NEB: variants seen among roughly 807,000 people sequenced by gnomAD.
The protein encoded by NEB is nemaline myopathy type 2.
Under a neutral mutation model 952.2 loss-of-function variants are expected in NEB, and 512 were observed. The observed-to-expected ratio is 0.54, with a 90% CI of 0.50 to 0.58. The LOEUF is 0.58. Ranked by LOEUF, NEB falls within the 20% of genes least tolerant of loss-of-function variation. The probability of loss-of-function intolerance (pLI) is 0.00; values close to 1 mark genes in which losing one functional copy is unlikely to be tolerated. For synonymous variants in NEB, 2,900 were observed against 3,149.8 expected (o/e 0.92, Z 2.66); for missense variants, 8,428 against 9,231.1 (o/e 0.91, Z 3.56).
At position 151,696,256 on chromosome 2, in the gene NEB, T is replaced by C. The variant is rs185759242; in HGVS notation, c.1569+381A>G. Among the ~76,000 whole-genome samples, 5 of 152,302 alleles carry C rather than the reference T, an allele frequency of 3.3e-5. No individual in the cohort carries two copies. In the East Asian group the frequency reaches 9.6e-4, roughly 29 times the overall value. ...CTGCTGTTGGCCAGGGTATGTGCAG[T>C]GCATATTTCTTCCTTCACTTACTCT... On this transcript the variant is annotated intron_variant, in intron 17 of 181. Transcript: ENST00000397345.
intron 136 of NEB, 120 bp from the exon 137 acceptor site, chr2:151,540,921 G>T: frequency 2.5e-6 from 2 of 810,948 alleles, no homozygotes; most frequent in South Asian, 1.6e-5. Context: ...CTGTCCTGAT[G>T]TTTGTTTGCT....
intron 172 of NEB, 80 bp from the exon 173 acceptor site, chr2:151,496,448 T>A: frequency 6.7e-7 from 1 of 1,496,112 alleles, no homozygotes; most frequent in Non-Finnish European, 9.0e-7. Flanking sequence ...TAAGGTCAAC[T>A]TCCTTGTTAA....
At chr2:151,611,004 GA>G in intron 78 of NEB, 138 bp from the exon 79 acceptor site, 1 of 561,516 alleles carries the variant, frequency 1.8e-6, no homozygotes, top group South Asian at 3.2e-5. Flanking sequence ...ATGCTTTTGG[GA>G]GGTGAGGGAA....
chr2:151,643,080 T>C (rs2098904940), intron 58 of NEB, 70 bp downstream of exon 58: 4 of 1,472,686 alleles, frequency 2.7e-6, no homozygotes, highest in African/African-American at 1.4e-5. Flanking sequence ...TTTTCTTTTA[T>C]ACAAACAGAC....
chr2:151,616,365 T>C (rs1217039298), intron 75 of NEB, among the ~76,000 whole-genome samples: 1 of 152,088 alleles, frequency 6.6e-6, no homozygotes, highest in Non-Finnish European at 1.5e-5. Flanking sequence ...GGCAAAATTT[T>C]ATTTGCCAAA....
chr2:151,522,081 G>C (rs534354953), intron 153 of NEB, among the ~76,000 whole-genome samples: 5 of 152,152 alleles, frequency 3.3e-5, no homozygotes, highest in Admixed American at 1.3e-4. Context: ...GGCAGCCCCC[G>C]GGGTTTATAA....
chr2:151,673,843 C>T lies in NEB; in HGVS notation c.3987+634G>A, dbSNP rs1005707329. Among the ~76,000 whole-genome samples the T allele has an allele frequency of 6.6e-5, 10 of 150,900 alleles. No homozygotes were observed. In the East Asian group the frequency reaches 1.8e-3, roughly 27 times the overall value. ...CCGCCTCCCGGGTTCACGCCATTCTCGGGCCTCAGCCTCCCTAGCAGCTGG... is the reference window on the plus strand; with the variant it reads ...CCGCCTCCCGGGTTCACGCCATTCTTGGGCCTCAGCCTCCCTAGCAGCTGG... On this transcript the variant is annotated intron_variant, in intron 36 of 181. Coordinates refer to ENST00000397345, the MANE Select transcript of NEB (RefSeq NM_001164508.2).
At chr2:151,514,228 CTGTTTT>C (rs1382871879) in intron 159 of NEB, 84 bp downstream of exon 159, 14 of 846,830 alleles carry the variant, frequency 1.7e-5, no homozygotes, top group Middle Eastern at 2.3e-4. Flanking sequence ...TCTCTGTTCT[CTGTTTT>C]TGTTTTGCTT....
intron 63 of NEB, among the ~76,000 whole-genome samples, chr2:151,637,757 G>C (rs961512249): frequency 2.9e-4 from 44 of 152,204 alleles, no homozygotes; most frequent in Non-Finnish European, 4.4e-4. Context: ...TCCTGTAACA[G>C]GACCTATATT....
At chr2:151,669,419 C>T (rs1011149130) in intron 38 of NEB, among the ~76,000 whole-genome samples, 2 of 152,132 alleles carry the variant, frequency 1.3e-5, no homozygotes, top group Non-Finnish European at 2.9e-5. Context: ...AAAGGACAGA[C>T]ATAAAACATG....
At chr2:151,520,041 A>G (rs1053279800) in intron 153 of NEB, 1 of 37,020 alleles carries the variant, frequency 2.7e-5, no homozygotes, top group African/African-American at 1.2e-4. Context: ...ATGCAAAACA[A>G]AAAAAAAAAA....
chr2:151,710,558 AATAAG>A lies in NEB; in HGVS notation c.823-25_823-21del. The A allele has an allele frequency of 6.8e-7, 1 of 1,471,026 alleles. No individual in the cohort carries two copies. Among genetic ancestry groups the A allele is most frequent in the African/African-American group, 1.4e-5 (1 of 71,972 alleles). The allele number at this position is 1,471,026 out of a possible 1,614,324, so 91.1% of individuals were successfully genotyped here. A position where few individuals can be genotyped will look rare whatever the true frequency, so the allele number is the denominator to read the frequency against. The stretch of plus-strand genomic sequence containing the variant: ...TTTTTGCTAGAAAAAAGAAAAAGAA[AATAAG>A]ACAAGCATAACTCATGAATTGACAA... On this transcript the variant is annotated intron_variant, in intron 10 of 181. Coordinates refer to ENST00000397345, the MANE Select transcript of NEB (RefSeq NM_001164508.2).
rs560312070 is a variant in NEB at position 151,694,401 on chromosome 2, C to T, written c.1818G>A (p.Gly606=). 9.3e-6 allele frequency: 15 copies of T among 1,613,944 alleles called. No individual in the cohort carries two copies. The South Asian group carries it at 1.5e-4, about 17-fold the overall frequency. Residue 606 remains glycine, a synonymous_variant, in exon 20 of 182, where the codon GGG becomes GGA. Transcript: ENST00000397345. The part of the protein sequence containing the change: ...MYKKDYEKNK[G]KMIGVLSIND... ...TAATGCTGAGGACTCCAATCATTTT[C>T]CCTTTGTTTTTTTCATAGTCTTTCT... is the stretch of plus-strand genomic sequence containing the variant.
chr2:151,548,248 C>T lies in NEB; in HGVS notation c.20157+60G>A, dbSNP rs1042582519. 5.1e-6 allele frequency: 7 copies of T among 1,369,154 alleles called. No individual in the cohort carries two copies. In the African/African-American group the frequency reaches 1.0e-4, roughly 20 times the overall value. 84.8% of individuals were successfully genotyped at this position (1,369,154 alleles called of 1,614,324 possible). A position where few individuals can be genotyped will look rare whatever the true frequency, so the allele number is the denominator to read the frequency against. ...AATAAGATTAATTCTTAATGCATTT[C>T]AAACAAAGCCATGGCTATTGAAACT... On this transcript the variant is annotated intron_variant, in intron 131 of 181. Coordinates refer to ENST00000397345, the MANE Select transcript of NEB (RefSeq NM_001164508.2).
rs746096624 is a variant in NEB at position 151,640,580 on chromosome 2, G to A, written c.8460C>T (p.Ser2820=). 2 of 1,613,918 alleles carry A rather than the reference G, an allele frequency of 1.2e-6. No individual in the cohort carries two copies. The highest frequency in any genetic ancestry group is 1.7e-6 in the Non-Finnish European group (2 of 1,179,864). The change falls in exon 61 of 182, where the codon TCC becomes TCT. Residue 2820 remains serine, a synonymous_variant. Transcript: ENST00000397345. ...CACTCTGGATCTTGGCCACGTGCATGGACCACATCATCTTGGGGTCATCAC... is the reference window on the plus strand; with the variant it reads ...CACTCTGGATCTTGGCCACGTGCATAGACCACATCATCTTGGGGTCATCAC... ...AIRDDPKMMW[S]MHVAKIQSDR...
At position 151,577,773 on chromosome 2, in the gene NEB, T is replaced by A. The variant is rs549795769; in HGVS notation, c.16705-1419A>T. On this transcript the variant is annotated intron_variant, in intron 105 of 181. Coordinates refer to ENST00000397345, the MANE Select transcript of NEB (RefSeq NM_001164508.2). ...TTTGTGTTTTTAGTAAAGACAGGGT[T>A]TCACCATGTTGGTCAGGCTGATCTT... Among the ~76,000 whole-genome samples the A allele has an allele frequency of 1.8e-4, 27 of 152,310 alleles. No individual in the cohort carries two copies. The South Asian group carries it at 5.2e-3, about 29-fold the overall frequency.
At position 151,569,280 on chromosome 2, in the gene NEB, G is replaced by C; in HGVS notation, c.17523C>G (p.Asp5841Glu). 6.2e-7 allele frequency: 1 copy of C among 1,613,772 alleles called. No individual in the cohort carries two copies. Among genetic ancestry groups the C allele is most frequent in the South Asian group, 1.1e-5 (1 of 91,080 alleles). The change falls in exon 110 of 182, where the codon GAC becomes GAG. Residue 5841 changes from aspartate to glutamate, a missense_variant. By Grantham distance (45) the Asp-to-Glu change is conservative. Transcript: ENST00000397345. ...AATCTTGGAATACCTCACTGAAGAT[G>C]TCCGCGGCATGTTTGGCATGATTGA... is the stretch of plus-strand genomic sequence containing the variant. ...VSVNHAKHAADIFSEKKYRTK... is the reference protein window; with the variant it reads ...VSVNHAKHAAEIFSEKKYRTK...
At chr2:151,712,562 G>A (rs368569756) in intron 10 of NEB, among the ~76,000 whole-genome samples, 13 of 150,600 alleles carry the variant, frequency 8.6e-5, no homozygotes, top group Middle Eastern at 3.4e-3. Flanking sequence ...GGTGGAGATC[G>A]AGCTCTCACA....
intron 52 of NEB, among the ~76,000 whole-genome samples, chr2:151,651,315 T>C (rs2099026932): frequency 6.6e-6 from 1 of 152,230 alleles, no homozygotes; most frequent in African/African-American, 2.4e-5. Flanking sequence ...ATTCTGACTT[T>C]GGGGTTGTAT....
Sources: gnomAD v4.1 joint callset for allele counts (sites outside exome capture counted in the v4.1 genomes callset) on GRCh38, gnomAD v4.1.1 for gene constraint, MANE v1.5 for transcripts, NCBI Gene and HGNC (gene_info 2026-07-23, HGNC 2026-07-21) for gene names.